Variants in SORBS2 observed in about 807,000 individuals in gnomAD.
SORBS2 encodes the protein sorbin and SH3 domain containing 2, also known as sorbin and SH3 domain-containing protein 2.
Under a neutral mutation model 97.7 loss-of-function variants are expected in SORBS2, and 46 were observed. The ratio of observed to expected loss-of-function variants is 0.47; its 90% CI spans 0.37 to 0.60. The LOEUF is 0.60. SORBS2 is among the 20% of genes least tolerant of loss of function. The probability of loss-of-function intolerance (pLI) is 0.00; values close to 1 mark genes in which losing one functional copy is unlikely to be tolerated. For missense variants in SORBS2, 1,316 were observed against 1,282.3 expected (o/e 1.03, Z -0.40); for synonymous variants, 476 against 473.4 (o/e 1.01, Z -0.07).
intron 1 of SORBS2, among the ~76,000 whole-genome samples, chr4:185,893,942 G>A (rs1222520570): frequency 3.3e-5 from 5 of 152,066 alleles, no homozygotes; most frequent in Non-Finnish European, 4.4e-5. Flanking sequence ...ACCTTTCCTA[G>A]ATCCGGATGA....
intron 2 of SORBS2, among the ~76,000 whole-genome samples, chr4:185,708,968 G>A (rs1019341555): frequency 6.6e-6 from 1 of 152,224 alleles, no homozygotes; most frequent in African/African-American, 2.4e-5. Context: ...ATGACTGTAT[G>A]TGTCCCTCAA....
rs1554046529 is a variant in SORBS2, at chr4:185,886,579, G to GAAAAGAAAAAAAAAAGAAAAGA, written c.-338+69616_-338+69617insTCTTTTCTTTTTTTTTTCTTTT. Among the ~76,000 whole-genome samples, 319 of 127,730 alleles carry GAAAAGAAAAAAAAAAGAAAAGA rather than the reference G, an allele frequency of 2.5e-3. 1 individual carries two copies. The highest frequency in any genetic ancestry group is 4.1e-3 in the Non-Finnish European group (242 of 59,444). 83.8% of individuals were successfully genotyped at this position (127,730 alleles called of 152,430 possible). A position where few individuals can be genotyped will look rare whatever the true frequency, so the allele number is the denominator to read the frequency against. Reference sequence around the variant, plus strand: ...CAAAAAAAAAAAAAAAAAAAGAAAAGAAAAAAAAAAGAAAAGAAAACAACG... The same window carrying GAAAAGAAAAAAAAAAGAAAAGA: ...CAAAAAAAAAAAAAAAAAAAGAAAAGAAAAGAAAAAAAAAAGAAAAGAAAAAAAAAAAGAAAAGAAAACAACG... On this transcript the variant is annotated intron_variant, in intron 1 of 20. Coordinates refer to the SORBS2 transcript ENST00000284776.
exon 7 of SORBS2, chr4:185,622,932 G>C: frequency 6.2e-7 from 1 of 1,610,362 alleles, no homozygotes; most frequent in Non-Finnish European, 8.5e-7. Context: ...GCACCGCCAC[G>C]GTCTTGGTGG....
chr4:185,933,264 G>A (rs542501815), intron 1 of SORBS2: 9 of 152,290 alleles, frequency 5.9e-5, no homozygotes, highest in South Asian at 2.1e-4. Flanking sequence ...CTACTCGAAC[G>A]TTACAGCAGT....
chr4:185,820,378 A>C, intron 1 of SORBS2, among the ~76,000 whole-genome samples: 1 of 152,042 alleles, frequency 6.6e-6, no homozygotes, highest in East Asian at 1.9e-4. Context: ...CTCCCCTTTA[A>C]TTTAAATTGG....
intron 2 of SORBS2, among the ~76,000 whole-genome samples, chr4:185,716,860 G>C (rs561213715): frequency 6.6e-6 from 1 of 152,154 alleles, no homozygotes. Flanking sequence ...TGCTGTGAGC[G>C]GTCCACCCCT....
At chr4:185,839,557 G>A (rs2099210243) in intron 1 of SORBS2, among the ~76,000 whole-genome samples, 1 of 152,144 alleles carries the variant, frequency 6.6e-6, no homozygotes, top group Non-Finnish European at 1.5e-5. Context: ...CGCTCCCTAG[G>A]GAGGAGGCCT....
At chr4:185,682,252 C>A (rs970463069) in intron 2 of SORBS2, among the ~76,000 whole-genome samples, 4 of 152,170 alleles carry the variant, frequency 2.6e-5, no homozygotes, top group Non-Finnish European at 5.9e-5. Context: ...CAGGTGGTAT[C>A]GACAAGACCC....
chr4:185,681,055 G>A (rs926863457), intron 2 of SORBS2, among the ~76,000 whole-genome samples: 6 of 152,138 alleles, frequency 3.9e-5, no homozygotes, highest in Admixed American at 1.3e-4. Context: ...CGAGTGTGCA[G>A]AATTAAGAGA....
intron 1 of SORBS2, among the ~76,000 whole-genome samples, chr4:185,850,249 G>A (rs145527015): frequency 1.3e-5 from 2 of 152,188 alleles, no homozygotes; most frequent in African/African-American, 2.4e-5. Context: ...AATTGGTAAT[G>A]ACTGAGTTGG....
chr4:185,668,379 G>C lies in SORBS2; in HGVS notation c.-45-6137C>G, dbSNP rs2097651985. On this transcript the variant is annotated intron_variant, in intron 4 of 20. Coordinates refer to the SORBS2 transcript ENST00000284776. Reference sequence around the variant, plus strand: ...CACCTCCTGACATGCTCCTGGTTTTGAGTCTTTTAATGCACGTGTGTGTAT... The same window carrying C: ...CACCTCCTGACATGCTCCTGGTTTTCAGTCTTTTAATGCACGTGTGTGTAT... Among the ~76,000 whole-genome samples the C allele has an allele frequency of 2.0e-5, 3 of 152,224 alleles. No individual in the cohort carries two copies. In the South Asian group the frequency reaches 6.2e-4, roughly 32 times the overall value.
intron 2 of SORBS2, among the ~76,000 whole-genome samples, chr4:185,770,446 C>T (rs769099425): frequency 1.3e-5 from 2 of 152,118 alleles, no homozygotes; most frequent in African/African-American, 2.4e-5. Context: ...GTGCTCAAAA[C>T]GTTGCAGATT....
chr4:185,881,576 T>C (rs1431888820), intron 1 of SORBS2, among the ~76,000 whole-genome samples: 1 of 152,156 alleles, frequency 6.6e-6, no homozygotes, highest in African/African-American at 2.4e-5. Flanking sequence ...ATTCAGGGAC[T>C]ATAGCACGAA....
chr4:185,610,680 T>A (rs902331771), intron 12 of SORBS2, among the ~76,000 whole-genome samples: 1 of 152,144 alleles, frequency 6.6e-6, no homozygotes, highest in Admixed American at 6.5e-5. Context: ...TGGGATGCTA[T>A]CTTGAAACAG....
At chr4:185,932,862 T>C (rs533141025) in intron 1 of SORBS2, 2 of 152,254 alleles carry the variant, frequency 1.3e-5, no homozygotes, top group African/African-American at 4.8e-5. Context: ...TAAATGCAGA[T>C]GTTTAAGGGT....
intron 1 of SORBS2, among the ~76,000 whole-genome samples, chr4:185,806,680 G>A (rs1370802824): frequency 1.3e-5 from 2 of 151,598 alleles, no homozygotes; most frequent in Non-Finnish European, 2.9e-5. Context: ...GGATGGTCTC[G>A]ATCTCCTGAC....
exon 12 of SORBS2, chr4:185,611,842 G>C: frequency 6.2e-7 from 1 of 1,614,058 alleles, no homozygotes; most frequent in Non-Finnish European, 8.5e-7. Context: ...GGAGGGTCAG[G>C]GTAGTCCTCA....
In SORBS2 at chr4:185,704,571, G is replaced by A. The variant is rs543588108; in HGVS notation, c.-197-25749C>T. ...TGACCTCAGGTGATCCACCCCCCTC[G>A]GCCTCCCAAAGTGCTGGGATTACAG... On this transcript the variant is annotated intron_variant, in intron 2 of 20. Coordinates refer to the SORBS2 transcript ENST00000284776. 3.9e-5 allele frequency among the ~76,000 whole-genome samples: 6 copies of A among 152,060 alleles called. No individual in the cohort carries two copies. The South Asian group carries it at 6.2e-4, about 16-fold the overall frequency.
intron 1 of SORBS2, among the ~76,000 whole-genome samples, chr4:185,810,444 G>A (rs1003995297): frequency 6.6e-6 from 1 of 152,226 alleles, no homozygotes; most frequent in Non-Finnish European, 1.5e-5. Context: ...CTTCTTAGAA[G>A]TAGATCTCAG....
Sources: allele counts gnomAD v4.1 joint callset (sites outside exome capture counted in the v4.1 genomes callset), GRCh38; gene constraint gnomAD v4.1.1; transcripts MANE v1.5; gene names NCBI Gene and HGNC (gene_info 2026-07-23, HGNC 2026-07-21).